KDM1A: variants seen among roughly 807,000 people sequenced by gnomAD.
The protein encoded by KDM1A is lysine-specific histone demethylase 1A.
In KDM1A, 49 loss-of-function variants were observed where a neutral mutation model predicts 109.4. The ratio of observed to expected loss-of-function variants is 0.45; its 90% CI spans 0.36 to 0.57. The LOEUF is 0.57. Ranked by LOEUF, KDM1A falls within the 20% of genes least tolerant of loss-of-function variation. KDM1A has a pLI of 0.00. For missense variants in KDM1A, 668 were observed against 1,116.6 expected, an observed-to-expected ratio of 0.60 and a Z score of 5.73; for synonymous variants, 380 against 415.4, an observed-to-expected ratio of 0.91 and a Z score of 1.04.
intron 9 of KDM1A, among the ~76,000 whole-genome samples, chr1:23,063,209 T>G (rs147453274): frequency 0.036 from 895 of 24,526 alleles, 12 homozygotes; most frequent in Non-Finnish European, 0.057. Flanking sequence ...GGGGGGGGTG[T>G]GGTGTGGGGT....
At chr1:23,056,607 A>G (rs1310026961) in intron 7 of KDM1A, among the ~76,000 whole-genome samples, 3 of 152,062 alleles carry the variant, frequency 2.0e-5, no homozygotes, top group Non-Finnish European at 4.4e-5. Context: ...TTGAACTGCT[A>G]ATTTTTTAAA....
rs1169438739 is a variant in KDM1A at position 23,081,377 on chromosome 1, G to T, written c.2171-69G>T. On this transcript the variant is annotated intron_variant, in intron 18 of 20. Coordinates refer to ENST00000400181, the MANE Select transcript of KDM1A (RefSeq NM_001009999.3). ...TTTCAGAGCACCAGGAATAAGGTGGGGCCTGATAAGGAAGTTTTTGAGGAA... is the reference window on the plus strand; with the variant it reads ...TTTCAGAGCACCAGGAATAAGGTGGTGCCTGATAAGGAAGTTTTTGAGGAA... 12 of 1,572,142 alleles carry T rather than the reference G, an allele frequency of 7.6e-6. No homozygotes were observed. The Admixed American group carries it at 2.0e-4, about 27-fold the overall frequency.
In KDM1A at chr1:23,054,548, C is replaced by T. The variant is rs572687037; in HGVS notation, c.791-521C>T. ...TTGCCCAGGCTGGAGTGCAGTGGCG[C>T]ATTCACAGCTTACCTCAGCCTTGAT... On this transcript the variant is annotated intron_variant, in intron 5 of 20. Coordinates refer to ENST00000400181, the MANE Select transcript of KDM1A (RefSeq NM_001009999.3). Among the ~76,000 whole-genome samples the T allele has an allele frequency of 3.9e-5, 6 of 152,290 alleles. No homozygotes were observed. In the South Asian group the frequency reaches 1.2e-3, roughly 32 times the overall value.
chr1:23,030,831 G>A (rs546909120), intron 2 of KDM1A, among the ~76,000 whole-genome samples, 197 bp downstream of exon 2: 3 of 152,022 alleles, frequency 2.0e-5, no homozygotes, highest in South Asian at 2.1e-4. Flanking sequence ...ACATAGATAC[G>A]TACATACTGG....
intron 1 of KDM1A, among the ~76,000 whole-genome samples, chr1:23,022,601 A>G (rs1164209551): frequency 1.3e-5 from 2 of 150,460 alleles, no homozygotes; most frequent in Non-Finnish European, 2.9e-5. Context: ...CGGCCTCCCA[A>G]AGTGCTGGGA....
chr1:23,020,428 C>T (rs1235036038), intron 1 of KDM1A: 1 of 151,464 alleles, frequency 6.6e-6, no homozygotes, highest in South Asian at 2.1e-4. Context: ...AAGAAAGGGT[C>T]GTTTTTGCTT....
intron 3 of KDM1A, among the ~76,000 whole-genome samples, chr1:23,045,914 T>C (rs1642489737): frequency 6.6e-6 from 1 of 152,156 alleles, no homozygotes; most frequent in Non-Finnish European, 1.5e-5. Flanking sequence ...GAAATGTGCT[T>C]GTAAGAGATC....
At chr1:23,071,190 A>T (rs183723415) in intron 12 of KDM1A, 35 bp from the exon 13 acceptor site, 52 of 1,568,558 alleles carry the variant, frequency 3.3e-5, no homozygotes, top group Admixed American at 9.3e-5. Flanking sequence ...CTACATTGCT[A>T]TCTGGAATGG....
chr1:23,063,217 GGT>G (rs1156579412), intron 9 of KDM1A, among the ~76,000 whole-genome samples: 5 of 48,760 alleles, frequency 1.0e-4, no homozygotes, highest in African/African-American at 3.2e-4. Context: ...TGTGGTGTGG[GGT>G]GGGTGTGTGT....
At chr1:23,040,622 C>CA (rs746000994) in intron 2 of KDM1A, among the ~76,000 whole-genome samples, 341 of 102,784 alleles carry the variant, frequency 3.3e-3, no homozygotes, top group African/African-American at 5.1e-3. Flanking sequence ...CTCGTCTCTA[C>CA]AAAAAAAAAA....
At chr1:23,074,527 T>A (rs914957101) in intron 15 of KDM1A, among the ~76,000 whole-genome samples, 8 of 151,352 alleles carry the variant, frequency 5.3e-5, no homozygotes, top group Admixed American at 3.3e-4. Context: ...AGCCTTTACC[T>A]CCTGGGCTCA....
chr1:23,062,927 A>G (rs550623131), intron 9 of KDM1A, among the ~76,000 whole-genome samples: 1 of 152,274 alleles, frequency 6.6e-6, no homozygotes, highest in South Asian at 2.1e-4. Context: ...TGATGGAGTT[A>G]TACTCTGACC....
At chr1:23,070,374 G>A (rs1264266904) in intron 12 of KDM1A, among the ~76,000 whole-genome samples, 1 of 152,158 alleles carries the variant, frequency 6.6e-6, no homozygotes, top group Non-Finnish European at 1.5e-5. Flanking sequence ...AGGAGGCTGA[G>A]GCATGAGAAT....
intron 15 of KDM1A, among the ~76,000 whole-genome samples, chr1:23,076,599 A>G (rs1363372874): frequency 7.3e-6 from 1 of 136,570 alleles, no homozygotes; most frequent in East Asian, 2.1e-4. Flanking sequence ...TTCCTGAATC[A>G]TCATTCCCCC....
chr1:23,083,127 G>A, intron 20 of KDM1A, 52 bp from the exon 21 acceptor site: 1 of 1,527,696 alleles, frequency 6.5e-7, no homozygotes, highest in Non-Finnish European at 9.0e-7. Context: ...TTAAGTACAA[G>A]AATAAAGGTA....
intron 2 of KDM1A, among the ~76,000 whole-genome samples, chr1:23,042,613 C>G (rs1353768752): frequency 3.3e-5 from 5 of 149,352 alleles, no homozygotes; most frequent in African/African-American, 4.9e-5. Context: ...CCACTACTCC[C>G]GGCTAATTTT....
intron 1 of KDM1A, among the ~76,000 whole-genome samples, chr1:23,028,187 T>C (rs1357956325): frequency 6.6e-6 from 1 of 152,270 alleles, no homozygotes; most frequent in East Asian, 1.9e-4. Flanking sequence ...GGTCTGTCTC[T>C]GTTGCTCAGG....
In KDM1A at chr1:23,065,918, C is replaced by T. The variant is rs569339920; in HGVS notation, c.1168-142C>T. 3.3e-6 allele frequency: 4 copies of T among 1,198,844 alleles called. No homozygotes were observed. In the Admixed American group the frequency reaches 9.6e-5, roughly 29 times the overall value. The allele number at this position is 1,198,844 out of a possible 1,614,324, so 74.3% of individuals were successfully genotyped here. On this transcript the variant is annotated intron_variant, in intron 9 of 20. Coordinates refer to ENST00000400181, the MANE Select transcript of KDM1A (RefSeq NM_001009999.3). ...CTGTTCCTTATTTCTCTGGTGGTTG[C>T]AGCTTCTGAGCTAACAGAATGCTTC...
At chr1:23,058,923 TTTTAC>T (rs1642918374) in intron 8 of KDM1A, 145 bp from the exon 9 acceptor site, 1 of 464,728 alleles carries the variant, frequency 2.2e-6, no homozygotes, top group Admixed American at 4.0e-5. Context: ...TCTTACATAT[TTTTAC>T]TTAGAGTGCT....
Sources: allele counts gnomAD v4.1 joint callset (sites outside exome capture counted in the v4.1 genomes callset), GRCh38; gene constraint gnomAD v4.1.1; transcripts MANE v1.5; gene names NCBI Gene and HGNC (gene_info 2026-07-23, HGNC 2026-07-21).